The following CLASP1 variants were observed in gnomAD, a reference collection of about 807,000 sequenced individuals.
CLASP1 encodes the protein CLIP-associating protein 1.
In CLASP1, 38 loss-of-function variants were observed where a neutral mutation model predicts 192.3. That is an observed-to-expected ratio of 0.20 (90% CI 0.15 to 0.26). CLASP1 has a LOEUF of 0.26. CLASP1 is among the 10% of genes least tolerant of loss of function. The pLI is 1.00. For missense variants in CLASP1, 1,433 were observed against 1,932.5 expected (o/e 0.74, Z 4.85); for synonymous variants, 691 against 712.8 (o/e 0.97, Z 0.49).
intron 23 of CLASP1, among the ~76,000 whole-genome samples, chr2:121,411,516 T>A (rs1369415912): frequency 2.6e-5 from 4 of 152,162 alleles, no homozygotes; most frequent in Non-Finnish European, 4.4e-5. Context: ...AAAAATTACT[T>A]AAAAATCAAT....
intron 8 of CLASP1, among the ~76,000 whole-genome samples, chr2:121,479,006 CACACACACACCA>C (rs2092323142): frequency 1.1e-5 from 1 of 89,132 alleles, no homozygotes; most frequent in African/African-American, 5.7e-5. Flanking sequence ...ACACACACCA[CACACACACACCA>C]CACACACACA....
intron 8 of CLASP1, among the ~76,000 whole-genome samples, chr2:121,472,433 T>G (rs916138174): frequency 2.0e-5 from 3 of 152,184 alleles, no homozygotes; most frequent in Non-Finnish European, 4.4e-5. Context: ...AAGATATGGA[T>G]TTGTTTGTTT....
intron 2 of CLASP1, among the ~76,000 whole-genome samples, chr2:121,572,183 C>A (rs986315695): frequency 1.2e-4 from 19 of 152,256 alleles, no homozygotes; most frequent in African/African-American, 4.6e-4. Context: ...AATCCCAGCA[C>A]TTTGGGAGGC....
intron 1 of CLASP1, among the ~76,000 whole-genome samples, chr2:121,646,687 C>G (rs1180086598): frequency 6.6e-6 from 1 of 152,150 alleles, no homozygotes; most frequent in Admixed American, 6.5e-5. Context: ...CCATCTCATT[C>G]AACTTATAAA....
In CLASP1 at chr2:121,632,965, GGTGT is replaced by G. The variant is rs71398037; in HGVS notation, c.-286+16403_-286+16406del. Reference sequence around the variant, plus strand: ...CACGAACTGTACAAAAACAGAGGGAGGTGTGTGTGTGTGTGTGTGTGTATATATA... The same window carrying G: ...CACGAACTGTACAAAAACAGAGGGAGGTGTGTGTGTGTGTGTGTATATATA... On this transcript the variant is annotated intron_variant, in intron 1 of 39. Coordinates refer to ENST00000263710, the Ensembl canonical transcript of CLASP1. Among the ~76,000 whole-genome samples, 192 of 137,790 alleles carry G rather than the reference GGTGT, an allele frequency of 1.4e-3. 7 individuals are homozygous for G. The highest frequency in any genetic ancestry group is 4.8e-3 in the African/African-American group (165 of 34,462). 90.4% of individuals were successfully genotyped at this position (137,790 alleles called of 152,430 possible). A position where few individuals can be genotyped will look rare whatever the true frequency, so the allele number is the denominator to read the frequency against.
At chr2:121,351,927 G>A (rs955243693) in intron 37 of CLASP1, among the ~76,000 whole-genome samples, 2 of 152,224 alleles carry the variant, frequency 1.3e-5, no homozygotes, top group South Asian at 2.1e-4. Context: ...CTGTGTGTAC[G>A]TTTGTTCACC....
In CLASP1 at chr2:121,403,685, C is replaced by A; in HGVS notation, c.2733+686G>T. 2 of 453,464 alleles carry A rather than the reference C, an allele frequency of 4.4e-6. 1 individual carries two copies. Among genetic ancestry groups the A allele is most frequent in the South Asian group, 3.1e-5 (2 of 63,772 alleles). 28.1% of individuals were successfully genotyped at this position (453,464 alleles called of 1,614,324 possible). ...ATTTAAAATCTAGACTCCAAGTAAACTTCTGTAAAGATACCCTGTCTCACG... is the reference window on the plus strand; with the variant it reads ...ATTTAAAATCTAGACTCCAAGTAAAATTCTGTAAAGATACCCTGTCTCACG... On this transcript the variant is annotated intron_variant, in intron 26 of 39. Transcript: ENST00000263710.
exon 24 of CLASP1, chr2:121,410,872 A>C (rs1336718180): frequency 6.2e-7 from 1 of 1,603,674 alleles, no homozygotes; most frequent in African/African-American, 1.3e-5. Flanking sequence ...TTACCAAAGC[A>C]TCAGCAACAG....
At chr2:121,364,706 C>A in intron 36 of CLASP1, 1 of 229,518 alleles carries the variant, frequency 4.4e-6, no homozygotes, top group Non-Finnish European at 8.7e-6. Flanking sequence ...TTAATCAGGT[C>A]TTTTAAAATG....
exon 25 of CLASP1, chr2:121,407,532 A>T: frequency 6.2e-7 from 1 of 1,613,906 alleles, no homozygotes. Flanking sequence ...TTCCTTTCTG[A>T]CCAGTTTGAA....
intron 1 of CLASP1, among the ~76,000 whole-genome samples, chr2:121,610,074 T>C (rs1163066401): frequency 2.6e-5 from 4 of 152,230 alleles, no homozygotes; most frequent in Non-Finnish European, 5.9e-5. Flanking sequence ...TTCTAAACAT[T>C]TGCAATTAAA....
At chr2:121,439,436 A>G (rs558147487) in intron 19 of CLASP1, among the ~76,000 whole-genome samples, 61 of 151,606 alleles carry the variant, frequency 4.0e-4, no homozygotes, top group African/African-American at 1.4e-3. Flanking sequence ...TCAATTTTGG[A>G]TCTTTCCTTT....
chr2:121,594,415 C>G (rs983962918), intron 2 of CLASP1, among the ~76,000 whole-genome samples: 1 of 149,418 alleles, frequency 6.7e-6, no homozygotes, highest in Non-Finnish European at 1.5e-5. Flanking sequence ...TTTTAAGAGA[C>G]GGAGTCTTGC....
chr2:121,533,359 C>T (rs1323685636), intron 2 of CLASP1, among the ~76,000 whole-genome samples: 2 of 152,132 alleles, frequency 1.3e-5, no homozygotes, highest in Non-Finnish European at 2.9e-5. Flanking sequence ...AAGTCCTTGC[C>T]CAGAAGACCA....
At chr2:121,610,586 A>C (rs2065174885) in intron 1 of CLASP1, among the ~76,000 whole-genome samples, 1 of 141,312 alleles carries the variant, frequency 7.1e-6, no homozygotes, top group African/African-American at 2.7e-5. Flanking sequence ...GAGGAACTGG[A>C]GAAGGAGGAG....
chr2:121,609,538 C>T (rs556690973), intron 1 of CLASP1, among the ~76,000 whole-genome samples: 119 of 152,242 alleles, frequency 7.8e-4, no homozygotes, highest in Admixed American at 2.7e-3. Flanking sequence ...GTGTTTTCTA[C>T]ATCTCTATTT....
intron 2 of CLASP1, among the ~76,000 whole-genome samples, chr2:121,538,046 G>A (rs1010063600): frequency 6.6e-6 from 1 of 151,980 alleles, no homozygotes; most frequent in Non-Finnish European, 1.5e-5. Context: ...ACTGGAACAC[G>A]ACAAAAATAT....
At chr2:121,587,567 C>T (rs1030645012) in intron 2 of CLASP1, among the ~76,000 whole-genome samples, 1 of 152,164 alleles carries the variant, frequency 6.6e-6, no homozygotes, top group Admixed American at 6.5e-5. Flanking sequence ...AGGTGGCTCA[C>T]GCCTGTAATC....
chr2:121,370,561 G>C (rs1305554493), intron 34 of CLASP1, among the ~76,000 whole-genome samples: 1 of 152,176 alleles, frequency 6.6e-6, no homozygotes, highest in Non-Finnish European at 1.5e-5. Flanking sequence ...CCGACCTCAG[G>C]TGATCCACCC....
Sources: gnomAD v4.1 joint callset for allele counts (sites outside exome capture counted in the v4.1 genomes callset) on GRCh38, gnomAD v4.1.1 for gene constraint, MANE v1.5 for transcripts, NCBI Gene and HGNC (gene_info 2026-07-23, HGNC 2026-07-21) for gene names.